MEGF6: variants seen among roughly 807,000 people sequenced by gnomAD.
MEGF6 encodes the protein multiple EGF like domains 6, also known as multiple epidermal growth factor-like domains protein 6.
A neutral mutation model predicts 207.1 loss-of-function variants in MEGF6; 184 were observed. The ratio of observed to expected loss-of-function variants is 0.89; its 90% CI spans 0.79 to 1.00. The LOEUF is 1.00. MEGF6 is among the 50% of genes least tolerant of loss of function. The pLI is 0.00. For synonymous variants in MEGF6, 1,038 were observed against 910.0 expected (o/e 1.14, Z -2.53); for missense variants, 2,282 against 2,202.9 (o/e 1.04, Z -0.72).
At chr1:3,586,827 C>T (rs1050134968) in intron 3 of MEGF6, among the ~76,000 whole-genome samples, 9 of 152,316 alleles carry the variant, frequency 5.9e-5, no homozygotes, top group South Asian at 4.1e-4. Context: ...GGAGACCTGC[C>T]GGGCCCGCCG....
chr1:3,575,968 C>A (rs1315073625), intron 4 of MEGF6, among the ~76,000 whole-genome samples: 2 of 149,452 alleles, frequency 1.3e-5, no homozygotes, highest in African/African-American at 2.4e-5. Context: ...ACTCACGCAA[C>A]CTGCACAAAA....
chr1:3,522,868 G>T (rs1055149866), intron 5 of MEGF6, among the ~76,000 whole-genome samples: 1 of 152,198 alleles, frequency 6.6e-6, no homozygotes, highest in Non-Finnish European at 1.5e-5. Context: ...TCTTCCAGGG[G>T]GCCTGAGGGG....
chr1:3,585,459 G>T (rs1401441932), intron 3 of MEGF6, among the ~76,000 whole-genome samples: 1 of 149,812 alleles, frequency 6.7e-6, no homozygotes, highest in Non-Finnish European at 1.5e-5. Flanking sequence ...CTGTGTGTGG[G>T]TGTGAGTGAC....
At chr1:3,531,786 A>G (rs1022054237) in intron 4 of MEGF6, among the ~76,000 whole-genome samples, 2 of 151,066 alleles carry the variant, frequency 1.3e-5, no homozygotes. Flanking sequence ...CCAAAGCAGC[A>G]AAGGGAGCCG....
intron 6 of MEGF6, 141 bp downstream of exon 6, chr1:3,515,261 G>T: frequency 9.7e-7 from 1 of 1,027,112 alleles, no homozygotes; most frequent in Non-Finnish European, 1.4e-6. Flanking sequence ...TGAGCTTCCT[G>T]GCCCCAAATG....
intron 3 of MEGF6, among the ~76,000 whole-genome samples, chr1:3,586,527 AGGGGTG>A (rs1203120391): frequency 6.6e-6 from 1 of 151,874 alleles, no homozygotes; most frequent in Non-Finnish European, 1.5e-5. Context: ...CGTGGGGTGT[AGGGGTG>A]GGGGTCACAG....
In MEGF6 at chr1:3,491,753, TG is replaced by T. The variant is rs559707405; in HGVS notation, c.4517-795del. On this transcript the variant is annotated intron_variant, in intron 35 of 36. Transcript: ENST00000356575. ...CAGAGACAACCTTTCCCAACACCGC[TG>T]GGGGGTACACGGTGCGGGGGTGGGG... Among the ~76,000 whole-genome samples the T allele has an allele frequency of 8.8e-4, 16 of 18,280 alleles. No homozygotes were observed. In the South Asian group the frequency reaches 0.039, roughly 45 times the overall value. The allele number at this position is 18,280 out of a possible 152,430, so 12.0% of individuals were successfully genotyped here.
intron 4 of MEGF6, among the ~76,000 whole-genome samples, chr1:3,557,133 T>TCAA (rs999849434): frequency 2.6e-5 from 4 of 151,838 alleles, no homozygotes; most frequent in African/African-American, 4.8e-5. Flanking sequence ...CCCCAAAAGC[T>TCAA]GGAAAAGGCA....
chr1:3,524,789 C>T (rs1360424889), intron 4 of MEGF6, among the ~76,000 whole-genome samples: 4 of 152,144 alleles, frequency 2.6e-5, no homozygotes, highest in African/African-American at 9.7e-5. Context: ...GGCAGCTGTC[C>T]TAAGTTCAGG....
rs565325990 is a variant in MEGF6 at position 3,594,811 on chromosome 1, G to A, written c.376+527C>T. 3.3e-5 allele frequency among the ~76,000 whole-genome samples: 5 copies of A among 152,310 alleles called. No individual in the cohort carries two copies. Among genetic ancestry groups the A allele is most frequent in the African/African-American group, 9.6e-5 (4 of 41,562 alleles). On this transcript the variant is annotated intron_variant, in intron 3 of 36. Coordinates refer to ENST00000356575, the MANE Select transcript of MEGF6 (RefSeq NM_001409.4). The surrounding 1 kb of genome is among the most constrained non-coding windows in gnomAD (Gnocchi z 4.2). ...CATCAGCACCTGCCCGGGTCAGGTC[G>A]TATGCAGCACGGGCCTCTCCAATTG...
In MEGF6 at chr1:3,497,813, A is replaced by G. The variant is rs576261570; in HGVS notation, c.3353-452T>C. Among the ~76,000 whole-genome samples, 4 of 152,252 alleles carry G rather than the reference A, an allele frequency of 2.6e-5. No individual in the cohort carries two copies. In the East Asian group the frequency reaches 7.7e-4, roughly 29 times the overall value. On this transcript the variant is annotated intron_variant, in intron 26 of 36. Coordinates refer to ENST00000356575, the MANE Select transcript of MEGF6 (RefSeq NM_001409.4). Reference sequence around the variant, plus strand: ...CCAAGGCTCCTGACCTGAGCAAGGGACCGCCCAAGTTGTACCCCAAGCAGT... The same window carrying G: ...CCAAGGCTCCTGACCTGAGCAAGGGGCCGCCCAAGTTGTACCCCAAGCAGT...
At chr1:3,617,369 G>C in the MEGF6 span, among the ~76,000 whole-genome samples, 2 of 152,120 alleles carry the variant, frequency 1.3e-5, no homozygotes, top group African/African-American at 4.8e-5. Flanking sequence ...CCGTGAATGT[G>C]ACCTTATTTG....
At chr1:3,584,795 C>T (rs1643870228) in intron 3 of MEGF6, among the ~76,000 whole-genome samples, 1 of 152,214 alleles carries the variant, frequency 6.6e-6, no homozygotes, top group African/African-American at 2.4e-5. Flanking sequence ...TAGGTCTCTG[C>T]CCGCAAGCAC....
chr1:3,623,588 A>C, the MEGF6 span: 51,024 of 152,060 alleles, frequency 0.34, 8,800 homozygotes, highest in East Asian at 0.55. Flanking sequence ...GGTCCACAGG[A>C]TCCAGGGTCC....
rs1380072890 is a variant in MEGF6, at chr1:3,500,984, C to T, written c.2557G>A (p.Gly853Ser). Residue 853 changes from glycine to serine, a missense_variant, in exon 20 of 37, where the codon GGC (glycine) becomes AGC (serine). By Grantham distance (56) the Gly-to-Ser change is moderately conservative. Transcript: ENST00000356575. ...CCCGTACCTCTCTGGCAGCTAAAGC[C>T]GGTCCACCCGGGGGCACAGCTGCAG... is the stretch of plus-strand genomic sequence containing the variant. ...GHCSCAPGWT[G>S]FSCQRACDTG... 20 of 1,611,986 alleles carry T rather than the reference C, an allele frequency of 1.2e-5. No homozygotes were observed. Among genetic ancestry groups the T allele is most frequent in the Admixed American group, 6.7e-5 (4 of 60,006 alleles).
In MEGF6 at chr1:3,611,476, T is replaced by A. The variant is rs1644325971; in HGVS notation, c.-208A>T. ...GGAGACCTGATCGCCGGGTCCACCC[T>A]GCAGGAACTCGCCCCGGCGCGTTGA... On this transcript the variant is annotated 5_prime_UTR_variant, in exon 1 of 37. Coordinates refer to ENST00000356575, the MANE Select transcript of MEGF6 (RefSeq NM_001409.4). 6.7e-6 allele frequency: 4 copies of A among 594,528 alleles called. No homozygotes were observed. The allele number at this position is 594,528 out of a possible 1,614,324, so 36.8% of individuals were successfully genotyped here. A position where few individuals can be genotyped will look rare whatever the true frequency, so the allele number is the denominator to read the frequency against.
At chr1:3,519,759 C>T (rs936660173) in intron 5 of MEGF6, among the ~76,000 whole-genome samples, 17 of 152,364 alleles carry the variant, frequency 1.1e-4, no homozygotes, top group African/African-American at 3.1e-4. Flanking sequence ...CCTCCCCTCC[C>T]GGGCCGGGCC....
Position 3,498,505 on chromosome 1 carries a change from G to T in MEGF6, c.3224-6C>A, listed in dbSNP as rs756580854. ...GACGTCCCGGGGGAGGCACTCTACA[G>T]GAGCAGAGGCAGGCACGAGGGTGAG... On this transcript the variant is annotated splice_region_variant and splice_polypyrimidine_tract_variant and intron_variant, in intron 25 of 36. Coordinates refer to ENST00000356575, the MANE Select transcript of MEGF6 (RefSeq NM_001409.4). The T allele has an allele frequency of 2.2e-5, 35 of 1,567,980 alleles. No homozygotes were observed. Among genetic ancestry groups the T allele is most frequent in the Non-Finnish European group, 2.7e-5 (31 of 1,157,208 alleles).
chr1:3,595,608 G>C (rs1021477248), intron 2 of MEGF6, among the ~76,000 whole-genome samples, 161 bp from the exon 3 acceptor site: 8 of 152,206 alleles, frequency 5.3e-5, no homozygotes, highest in African/African-American at 1.9e-4. Flanking sequence ...CCAATGCCCA[G>C]CCAGGTTCTT....
Sources: gnomAD v4.1 joint callset for allele counts (sites outside exome capture counted in the v4.1 genomes callset) on GRCh38, gnomAD v4.1.1 for gene constraint, Gnocchi (gnomAD v3.1) non-coding constraint, MANE v1.5 for transcripts, NCBI Gene and HGNC (gene_info 2026-07-23, HGNC 2026-07-21) for gene names.